PAM: variants seen among roughly 807,000 people sequenced by gnomAD.
The protein encoded by PAM is peptidyl-glycine alpha-amidating monooxygenase.
In PAM, 72 loss-of-function variants were observed where a neutral mutation model predicts 122.1. The observed-to-expected ratio is 0.59, with a 90% CI of 0.49 to 0.72. The LOEUF (loss-of-function observed/expected upper bound fraction) is 0.72. Ranked by LOEUF, PAM falls within the 30% of genes least tolerant of loss-of-function variation. PAM has a pLI of 0.00. For synonymous variants in PAM, 389 were observed against 404.4 expected, an observed-to-expected ratio of 0.96 and a Z score of 0.46; for missense variants, 1,106 against 1,183.7, an observed-to-expected ratio of 0.93 and a Z score of 0.96.
At chr5:102,995,825 T>C (rs1384006082) in intron 16 of PAM, among the ~76,000 whole-genome samples, 1 of 152,102 alleles carries the variant, frequency 6.6e-6, no homozygotes, top group Non-Finnish European at 1.5e-5. Context: ...AATGTGTCTA[T>C]TTTCAGAAGT....
At chr5:102,764,205 G>GCCAAGTAAGC (rs1194390167) in intron 1 of PAM, among the ~76,000 whole-genome samples, 1 of 151,882 alleles carries the variant, frequency 6.6e-6, no homozygotes, top group Admixed American at 6.6e-5. Flanking sequence ...TACATAAAAT[G>GCCAAGTAAGC]TCCTTGGACT....
chr5:102,807,333 T>C (rs1766511827), intron 1 of PAM, among the ~76,000 whole-genome samples: 1 of 152,224 alleles, frequency 6.6e-6, no homozygotes, highest in African/African-American at 2.4e-5. Context: ...AAACTGGATA[T>C]TTTAAAGAGA....
chr5:102,898,233 T>A (rs532287521), intron 3 of PAM, among the ~76,000 whole-genome samples: 51 of 151,736 alleles, frequency 3.4e-4, no homozygotes, highest in African/African-American at 1.2e-3. Context: ...CATGGCTATG[T>A]AGATTCATAT....
chr5:102,927,676 GA>G (rs1401648253), intron 7 of PAM, among the ~76,000 whole-genome samples: 1 of 151,610 alleles, frequency 6.6e-6, no homozygotes, highest in Non-Finnish European at 1.5e-5. Context: ...TCTCCCTCTG[GA>G]AAAGGGTGTT....
chr5:102,952,928 G>A (rs1299856890), intron 12 of PAM, among the ~76,000 whole-genome samples: 1 of 152,100 alleles, frequency 6.6e-6, no homozygotes, highest in Non-Finnish European at 1.5e-5. Flanking sequence ...TGAGCCCCGA[G>A]CGTGAAGCAC....
At chr5:102,928,015 A>G (rs113670470) in intron 7 of PAM, among the ~76,000 whole-genome samples, 6 of 152,176 alleles carry the variant, frequency 3.9e-5, no homozygotes, top group South Asian at 2.1e-4. Flanking sequence ...AAAATTGACC[A>G]TGCTGGTTTC....
At chr5:102,997,863 T>C (rs1776199763) in intron 16 of PAM, among the ~76,000 whole-genome samples, 1 of 152,222 alleles carries the variant, frequency 6.6e-6, no homozygotes, top group Admixed American at 6.5e-5. Context: ...GTTTTTCACT[T>C]ACCTACTTAT....
intron 3 of PAM, among the ~76,000 whole-genome samples, chr5:102,887,171 T>C (rs962969916): frequency 2.0e-5 from 3 of 151,950 alleles, no homozygotes; most frequent in Non-Finnish European, 4.4e-5. Context: ...TGTTGGGAGA[T>C]GGGGATGTTT....
chr5:102,850,946 G>A (rs1781217195), intron 1 of PAM, among the ~76,000 whole-genome samples: 1 of 152,150 alleles, frequency 6.6e-6, no homozygotes. Context: ...TGGGACAAAT[G>A]TGGGGCGACA....
At chr5:102,958,048 C>T (rs1189821554) in intron 12 of PAM, among the ~76,000 whole-genome samples, 2 of 152,068 alleles carry the variant, frequency 1.3e-5, no homozygotes, top group Non-Finnish European at 1.5e-5. Context: ...ATATTTAGAC[C>T]AGCAGTGATA....
chr5:102,890,931 A>T (rs1419328561), intron 3 of PAM, among the ~76,000 whole-genome samples: 1 of 151,882 alleles, frequency 6.6e-6, no homozygotes, highest in Admixed American at 6.6e-5. Flanking sequence ...ATCCACTGGG[A>T]GTTTAGAAGA....
chr5:102,905,809 T>G (rs1423190137), intron 4 of PAM, among the ~76,000 whole-genome samples: 1 of 151,850 alleles, frequency 6.6e-6, no homozygotes, highest in East Asian at 1.9e-4. Context: ...TGTCTTCAAC[T>G]AGGACTTCTT....
intron 24 of PAM, among the ~76,000 whole-genome samples, chr5:103,027,681 C>T (rs1365746780): frequency 6.6e-6 from 1 of 152,148 alleles, no homozygotes; most frequent in Non-Finnish European, 1.5e-5. Context: ...GGATCCAAAG[C>T]TTTCTCAAGC....
At chr5:102,900,254 T>TGTGTGTGTC (rs777616737) in intron 3 of PAM, among the ~76,000 whole-genome samples, 3 of 26,976 alleles carry the variant, frequency 1.1e-4, no homozygotes, top group African/African-American at 5.2e-4. Context: ...TGTGTGTGTG[T>TGTGTGTGTC]GGGGGGGGGG....
intron 1 of PAM, among the ~76,000 whole-genome samples, chr5:102,836,531 G>T (rs1777082992): frequency 2.0e-5 from 3 of 152,092 alleles, no homozygotes; most frequent in Admixed American, 2.0e-4. Context: ...GAGTCCAGAT[G>T]AAACATTGTT....
intron 1 of PAM, among the ~76,000 whole-genome samples, chr5:102,818,374 T>C (rs1332031271): frequency 6.6e-6 from 1 of 151,892 alleles, no homozygotes; most frequent in African/African-American, 2.4e-5. Context: ...AATTGTGAGA[T>C]GTGGCCTCTA....
At chr5:102,760,117 A>G (rs1273661134) in intron 1 of PAM, among the ~76,000 whole-genome samples, 3 of 152,312 alleles carry the variant, frequency 2.0e-5, no homozygotes, top group Admixed American at 2.0e-4. Flanking sequence ...AGACATTTGT[A>G]TGGTAGATAG....
At position 102,865,982 on chromosome 5, in the gene PAM, T is replaced by G; in HGVS notation, c.-214T>G. The stretch of plus-strand genomic sequence containing the variant: ...CTGCGGGCCGGACAAAAGTCCCGCC[T>G]GCCCACGGCTTTTTGCCCGCCGCTC... On this transcript the variant is annotated 5_prime_UTR_variant, in exon 2 of 26. Transcript: ENST00000438793. 1 of 447,616 alleles carries G rather than the reference T, an allele frequency of 2.2e-6. No individual in the cohort carries two copies. Among genetic ancestry groups the G allele is most frequent in the South Asian group, 4.5e-5 (1 of 22,318 alleles). The allele number at this position is 447,616 out of a possible 1,614,324, so 27.7% of individuals were successfully genotyped here.
chr5:102,965,754 A>G (rs1562062255), intron 14 of PAM, among the ~76,000 whole-genome samples: 1 of 152,024 alleles, frequency 6.6e-6, no homozygotes, highest in African/African-American at 2.4e-5. Flanking sequence ...ATTGAGGGAA[A>G]ATACCCCATG....
Sources: allele counts gnomAD v4.1 joint callset (sites outside exome capture counted in the v4.1 genomes callset), GRCh38; gene constraint gnomAD v4.1.1; transcripts MANE v1.5; gene names NCBI Gene and HGNC (gene_info 2026-07-23, HGNC 2026-07-21).